CREB5: variants seen among roughly 807,000 people sequenced by gnomAD.
CREB5 encodes cyclic AMP-responsive element-binding protein 5.
CREB5 carries 19 observed loss-of-function variants against 57.1 expected under a neutral mutation model. That is an observed-to-expected ratio of 0.33 (90% CI 0.23 to 0.49). The LOEUF is 0.49. CREB5 is among the 20% of genes least tolerant of loss of function. CREB5 has a pLI of 0.99. For synonymous variants in CREB5, 238 were observed against 238.3 expected, an observed-to-expected ratio of 1.00 and a Z score of 0.01; for missense variants, 579 against 671.6, an observed-to-expected ratio of 0.86 and a Z score of 1.52.
intron 5 of CREB5, among the ~76,000 whole-genome samples, chr7:28,623,268 G>A (rs745972700): frequency 2.0e-5 from 3 of 152,276 alleles, no homozygotes; most frequent in Admixed American, 6.5e-5. Flanking sequence ...CCTAGAATAC[G>A]TTCTGAGCAT....
chr7:28,700,959 T>TAA (rs11324534), intron 5 of CREB5, among the ~76,000 whole-genome samples: 5 of 134,304 alleles, frequency 3.7e-5, no homozygotes, highest in East Asian at 2.2e-4. Flanking sequence ...CCCAGGGATT[T>TAA]AAAAAAAAAA....
chr7:28,467,133 C>A (rs576094637), intron 1 of CREB5, among the ~76,000 whole-genome samples: 1 of 152,272 alleles, frequency 6.6e-6, no homozygotes, highest in East Asian at 1.9e-4. Flanking sequence ...GTAGGGCCTT[C>A]CACCCTTTAG....
intron 1 of CREB5, among the ~76,000 whole-genome samples, chr7:28,314,356 C>T (rs572106950): frequency 3.9e-5 from 6 of 152,274 alleles, no homozygotes; most frequent in African/African-American, 1.2e-4. Context: ...ATTACTTTTT[C>T]CTTGGAGATG....
intron 5 of CREB5, among the ~76,000 whole-genome samples, chr7:28,696,139 C>T (rs577434306): frequency 5.3e-5 from 8 of 152,318 alleles, no homozygotes; most frequent in Non-Finnish European, 1.0e-4. Context: ...ACCCAGGTGC[C>T]GTACCATTCG....
At chr7:28,456,629 A>T (rs1030869334) in intron 1 of CREB5, among the ~76,000 whole-genome samples, 1 of 152,218 alleles carries the variant, frequency 6.6e-6, no homozygotes, top group African/African-American at 2.4e-5. Context: ...AGGAGCCTGG[A>T]TGTTGTTGTA....
At chr7:28,705,064 A>T (rs1032912761) in intron 5 of CREB5, among the ~76,000 whole-genome samples, 7 of 152,196 alleles carry the variant, frequency 4.6e-5, no homozygotes, top group African/African-American at 1.4e-4. Flanking sequence ...AGGAATCTGA[A>T]GAAAAAAACC....
chr7:28,651,656 A>G lies in CREB5; in HGVS notation c.465-67097A>G, dbSNP rs189555491. 2.0e-5 allele frequency among the ~76,000 whole-genome samples: 3 copies of G among 152,310 alleles called. No individual in the cohort carries two copies. The East Asian group carries it at 5.8e-4, about 29-fold the overall frequency. ...CCTGGTCCTCTTTCTTTCGCCGGGC[A>G]CTTGATACCAACATGTGTCAGACGT... On this transcript the variant is annotated intron_variant, in intron 5 of 10. Coordinates refer to ENST00000357727, the MANE Select transcript of CREB5 (RefSeq NM_182898.4).
chr7:28,350,233 C>T (rs1216077841), intron 1 of CREB5, among the ~76,000 whole-genome samples: 2 of 152,146 alleles, frequency 1.3e-5, no homozygotes, highest in South Asian at 2.1e-4. Context: ...TCATTTTTTA[C>T]TCCTCCAACA....
At position 28,335,047 on chromosome 7, in the gene CREB5, T is replaced by C. The variant is rs112192294; in HGVS notation, c.-25+35606T>C. On this transcript the variant is annotated intron_variant, in intron 1 of 9. Coordinates refer to the CREB5 transcript ENST00000396299. ...TTTGTTTATGGGTTCTCTATTCTGT[T>C]CCCTTGGTCTATGTGTCTTTATGCC... 6.3e-3 allele frequency among the ~76,000 whole-genome samples: 963 copies of C among 152,322 alleles called. 5 individuals are homozygous for C. Among genetic ancestry groups the C allele is most frequent in the African/African-American group, 0.022 (908 of 41,564 alleles).
chr7:28,320,344 C>A (rs1260150115), intron 1 of CREB5, among the ~76,000 whole-genome samples: 1 of 152,068 alleles, frequency 6.6e-6, no homozygotes, highest in Non-Finnish European at 1.5e-5. Flanking sequence ...AATTCCATTA[C>A]AGGGAATCTA....
At chr7:28,433,633 G>A (rs987549716) in intron 1 of CREB5, among the ~76,000 whole-genome samples, 1 of 151,974 alleles carries the variant, frequency 6.6e-6, no homozygotes. Context: ...CGCCACACCC[G>A]CCCAAAATTT....
At chr7:28,607,623 C>G (rs1772148945) in intron 5 of CREB5, among the ~76,000 whole-genome samples, 1 of 152,112 alleles carries the variant, frequency 6.6e-6, no homozygotes, top group African/African-American at 2.4e-5. Flanking sequence ...GCACCAAACT[C>G]TGGAAGTGTA....
At chr7:28,485,498 A>C (rs1027083652) in intron 1 of CREB5, among the ~76,000 whole-genome samples, 1 of 152,046 alleles carries the variant, frequency 6.6e-6, no homozygotes, top group Admixed American at 6.6e-5. Flanking sequence ...TTTCGGTAAC[A>C]CTTTCCCAAA....
chr7:28,659,406 A>G (rs1392991381), intron 5 of CREB5, among the ~76,000 whole-genome samples: 2 of 152,210 alleles, frequency 1.3e-5, no homozygotes, highest in African/African-American at 4.8e-5. Context: ...TGTGAGCTAC[A>G]GAACACTCTA....
intron 1 of CREB5, among the ~76,000 whole-genome samples, chr7:28,440,261 A>G (rs982197861): frequency 3.3e-5 from 5 of 152,182 alleles, no homozygotes; most frequent in Non-Finnish European, 7.3e-5. Flanking sequence ...GTGAGGACTC[A>G]CCATCTGCTT....
At chr7:28,597,097 T>C (rs1345184250) in intron 5 of CREB5, among the ~76,000 whole-genome samples, 1 of 152,238 alleles carries the variant, frequency 6.6e-6, no homozygotes, top group Non-Finnish European at 1.5e-5. Context: ...TTACTAGTCC[T>C]GTTATATATT....
At chr7:28,361,928 T>C (rs1786493672) in intron 1 of CREB5, among the ~76,000 whole-genome samples, 1 of 152,254 alleles carries the variant, frequency 6.6e-6, no homozygotes, top group East Asian at 1.9e-4. Flanking sequence ...TATTAAGTTC[T>C]AAGTTCTTTA....
intron 5 of CREB5, among the ~76,000 whole-genome samples, chr7:28,585,474 G>A (rs1189113320): frequency 1.3e-5 from 2 of 152,198 alleles, no homozygotes; most frequent in Non-Finnish European, 2.9e-5. Flanking sequence ...CTCAGCCGGA[G>A]GGCTAGGGCT....
At chr7:28,802,641 T>G (rs1808441739) in intron 7 of CREB5, among the ~76,000 whole-genome samples, 1 of 152,246 alleles carries the variant, frequency 6.6e-6, no homozygotes, top group African/African-American at 2.4e-5. Flanking sequence ...AGTAACTGCA[T>G]TATACAGTCC....
Sources: gnomAD v4.1 joint callset for allele counts (sites outside exome capture counted in the v4.1 genomes callset) on GRCh38, gnomAD v4.1.1 for gene constraint, MANE v1.5 for transcripts, NCBI Gene and HGNC (gene_info 2026-07-23, HGNC 2026-07-21) for gene names.